The following LUM variants were observed in gnomAD, a reference collection of about 807,000 sequenced individuals.
LUM encodes lumican, also known as KSPG lumican.
A neutral mutation model predicts 20.5 loss-of-function variants in LUM; 13 were observed. That is an observed-to-expected ratio of 0.63 (90% confidence interval 0.41 to 1.01). The LOEUF is 1.01. Ranked by LOEUF, LUM falls within the 50% of genes least tolerant of loss-of-function variation. LUM has a pLI of 0.00. For synonymous variants in LUM, 173 were observed against 151.5 expected (o/e 1.14, Z -1.04); for missense variants, 321 against 391.1 (o/e 0.82, Z 1.51).
rs1565758279 is a variant in LUM at position 91,107,251 on chromosome 12, GAAAGAAA to G, written c.862+860_862+866del. On this transcript the variant is annotated intron_variant, in intron 2 of 2. Coordinates refer to ENST00000266718, the MANE Select transcript of LUM (RefSeq NM_002345.4). ...GAAAGAAAGAAAGGAAAGAAAGAAAGAAAGAAAGAAAGAAAGAAAGAAAGAAAGAAAG... is the reference window on the plus strand; with the variant it reads ...GAAAGAAAGAAAGGAAAGAAAGAAAGGAAAGAAAGAAAGAAAGAAAGAAAG... Among the ~76,000 whole-genome samples, 154 of 23,350 alleles carry G rather than the reference GAAAGAAA, an allele frequency of 6.6e-3. 2 individuals carry two copies. The highest frequency in any genetic ancestry group is 0.015 in the Middle Eastern group (1 of 68). 15.3% of individuals were successfully genotyped at this position (23,350 alleles called of 152,430 possible). A position where few individuals can be genotyped will look rare whatever the true frequency, so the allele number is the denominator to read the frequency against.
intron 1 of LUM, among the ~76,000 whole-genome samples, chr12:91,109,767 C>G (rs1310306506): frequency 6.6e-6 from 1 of 152,110 alleles, no homozygotes; most frequent in East Asian, 1.9e-4. Flanking sequence ...AGAGATTCAA[C>G]AGGTAGAGAA....
Position 91,107,137 on chromosome 12 carries a change from C to T in LUM, c.862+981G>A, listed in dbSNP as rs189271973. 2.4e-3 allele frequency among the ~76,000 whole-genome samples: 323 copies of T among 134,940 alleles called. 7 individuals carry two copies. The Admixed American group carries it at 0.024, about 10-fold the overall frequency. 88.5% of individuals were successfully genotyped at this position (134,940 alleles called of 152,430 possible). A position where few individuals can be genotyped will look rare whatever the true frequency, so the allele number is the denominator to read the frequency against. On this transcript the variant is annotated intron_variant, in intron 2 of 2. Transcript: ENST00000266718. Reference sequence around the variant, plus strand: ...CTCCAGTCTGGGCGACAGAGTGAGACCCTGTCAAAAAAAAAAAGAAAGAAA... The same window carrying T: ...CTCCAGTCTGGGCGACAGAGTGAGATCCTGTCAAAAAAAAAAAGAAAGAAA...
Position 91,106,443 on chromosome 12 carries a change from A to G in LUM, c.862+1675T>C, listed in dbSNP as rs1253391155. ...TCTCTTCTACCAAGCTCTGCCAAAG[A>G]TTAATGGCAGAGTTATCCTGGTAGG... is the stretch of plus-strand genomic sequence containing the variant. On this transcript the variant is annotated intron_variant, in intron 2 of 2. Transcript: ENST00000266718. 2.0e-5 allele frequency among the ~76,000 whole-genome samples: 3 copies of G among 152,098 alleles called. No homozygotes were observed. In the East Asian group the frequency reaches 5.8e-4, roughly 29 times the overall value.
At chr12:91,107,890 A>G (rs1328524299) in intron 2 of LUM, among the ~76,000 whole-genome samples, 1 of 151,766 alleles carries the variant, frequency 6.6e-6, no homozygotes, top group Non-Finnish European at 1.5e-5. Flanking sequence ...TAATTTTTGT[A>G]TTTTTAGTAG....
At chr12:91,107,987 A>G in intron 2 of LUM, 131 bp downstream of exon 2, 2 of 1,048,634 alleles carry the variant, frequency 1.9e-6, no homozygotes, top group East Asian at 2.4e-5. Flanking sequence ...TGCTGGATTT[A>G]CAGGAATGAG....
chr12:91,108,647 A>T lies in LUM; in HGVS notation c.333T>A (p.Val111=). ...TCTTCAGTTGTTTCAATTTAGAGAAAACTCTCCCTTTTATCTTGGAGTTTT... is the reference window on the plus strand; with the variant it reads ...TCTTCAGTTGTTTCAATTTAGAGAATACTCTCCCTTTTATCTTGGAGTTTT... ...LLENSKIKGR[V]FSKLKQLKKL... Residue 111 remains valine (V), a synonymous_variant, in exon 2 of 3, where the codon GTT becomes GTA. Coordinates refer to ENST00000266718, the MANE Select transcript of LUM (RefSeq NM_002345.4). The surrounding 1 kb of genome is among the most constrained non-coding windows in gnomAD (Gnocchi z 4.2). 6.2e-7 allele frequency: 1 copy of T among 1,613,902 alleles called. No homozygotes were observed. The highest frequency in any genetic ancestry group is 2.2e-5 in the East Asian group (1 of 44,870).
chr12:91,102,862 A>G lies in LUM; in HGVS notation c.*1303T>C, dbSNP rs577186669. On this transcript the variant is annotated 3_prime_UTR_variant, in exon 3 of 3. Coordinates refer to ENST00000266718, the MANE Select transcript of LUM (RefSeq NM_002345.4). ...TGTACCATAAGATAGAGTTCACTAAAAGTGGTGTGTTAAAACATTTTATGC... is the reference window on the plus strand; with the variant it reads ...TGTACCATAAGATAGAGTTCACTAAGAGTGGTGTGTTAAAACATTTTATGC... 1 of 152,192 alleles carries G rather than the reference A, an allele frequency of 6.6e-6. No homozygotes were observed. The highest frequency in any genetic ancestry group is 1.9e-4 in the East Asian group (1 of 5,174). The allele number at this position is 152,192 out of a possible 1,614,324, so 9.4% of individuals were successfully genotyped here. A position where few individuals can be genotyped will look rare whatever the true frequency, so the allele number is the denominator to read the frequency against.
chr12:91,107,546 G>C lies in LUM; in HGVS notation c.862+572C>G, dbSNP rs190193597. On this transcript the variant is annotated intron_variant, in intron 2 of 2. Transcript: ENST00000266718. ...AGAAAATAATAAGAGATATATATGA[G>C]GAGGTAACACAGCAGGATGAGTTGG... 6.6e-5 allele frequency among the ~76,000 whole-genome samples: 10 copies of C among 152,150 alleles called. No individual in the cohort carries two copies. In the East Asian group the frequency reaches 1.9e-3, roughly 29 times the overall value.
chr12:91,107,306 A>AG (rs1491278893), intron 2 of LUM, among the ~76,000 whole-genome samples: 8 of 138,806 alleles, frequency 5.8e-5, no homozygotes, highest in South Asian at 2.4e-4. Context: ...AGAAAGAAAG[A>AG]AAGAAAGAAA....
chr12:91,109,907 T>C (rs541155137), intron 1 of LUM, among the ~76,000 whole-genome samples: 1 of 152,152 alleles, frequency 6.6e-6, no homozygotes, highest in Non-Finnish European at 1.5e-5. Context: ...CCTCACAGAA[T>C]GGAGGTGGGA....
chr12:91,107,918 G>A (rs1209353999), intron 2 of LUM, among the ~76,000 whole-genome samples, 200 bp downstream of exon 2: 1 of 152,028 alleles, frequency 6.6e-6, no homozygotes, highest in African/African-American at 2.4e-5. Context: ...GTTTCATCAT[G>A]TTGGCCAGGC....
intron 1 of LUM, among the ~76,000 whole-genome samples, chr12:91,109,575 C>A (rs1400318952): frequency 2.0e-5 from 3 of 152,048 alleles, no homozygotes; most frequent in African/African-American, 7.2e-5. Flanking sequence ...TGCTGGTGTG[C>A]ATGCATACTA....
At chr12:91,107,296 A>G (rs1473513384) in intron 2 of LUM, among the ~76,000 whole-genome samples, 1 of 114,842 alleles carries the variant, frequency 8.7e-6, no homozygotes, top group African/African-American at 3.3e-5. Flanking sequence ...AGAGAAAGAA[A>G]GAAAGAAAGA....
At position 91,104,351 on chromosome 12, in the gene LUM, T is replaced by C. The variant is rs148089996; in HGVS notation, c.863-32A>G. On this transcript the variant is annotated intron_variant, in intron 2 of 2. Transcript: ENST00000266718. ...ATTAAAGAATAGAAAACATTAATCA[T>C]TTTTCAGTACACTGGCTCAAAACAA... The C allele has an allele frequency of 4.6e-6, 7 of 1,505,700 alleles. No homozygotes were observed. The East Asian group carries it at 1.4e-4, about 30-fold the overall frequency. The allele number at this position is 1,505,700 out of a possible 1,614,324, so 93.3% of individuals were successfully genotyped here. A position where few individuals can be genotyped will look rare whatever the true frequency, so the allele number is the denominator to read the frequency against.
intron 2 of LUM, among the ~76,000 whole-genome samples, chr12:91,107,811 G>T (rs920894914): frequency 2.0e-5 from 3 of 151,938 alleles, no homozygotes; most frequent in Non-Finnish European, 4.4e-5. Flanking sequence ...TATCTCCCAG[G>T]TTCAAGCAAT....
At chr12:91,106,950 T>C (rs1429965845) in intron 2 of LUM, among the ~76,000 whole-genome samples, 2 of 151,556 alleles carry the variant, frequency 1.3e-5, no homozygotes, top group Non-Finnish European at 2.9e-5. Context: ...GGCAGATGGA[T>C]CAGTTGAGGT....
Position 91,108,215 on chromosome 12 carries a change from G to A in LUM, c.765C>T (p.Ser255=). ...TATAGGACAGATCCAGCTCAACCAG[G>A]GATGACACATTGAAAGAATTTCCAG... ...GIPGNSFNVS[S]LVELDLSYNK... The change falls in exon 2 of 3, where the codon TCC becomes TCT. Residue 255 remains serine (S), a synonymous_variant. Transcript: ENST00000266718. The surrounding 1 kb of genome is among the most constrained non-coding windows in gnomAD (Gnocchi z 4.2). 1.2e-6 allele frequency: 2 copies of A among 1,614,044 alleles called. No homozygotes were observed. The highest frequency in any genetic ancestry group is 1.7e-6 in the Non-Finnish European group (2 of 1,179,980).
intron 2 of LUM, among the ~76,000 whole-genome samples, chr12:91,107,588 T>C (rs1212502344): frequency 6.6e-6 from 1 of 152,198 alleles, no homozygotes; most frequent in African/African-American, 2.4e-5. Context: ...ATTTTTAGTT[T>C]GAAGACTTAC....
At chr12:91,107,143 C>CAAAA (rs773547125) in intron 2 of LUM, among the ~76,000 whole-genome samples, 3 of 63,276 alleles carry the variant, frequency 4.7e-5, no homozygotes, top group South Asian at 5.3e-4. Flanking sequence ...GAGACCCTGT[C>CAAAA]AAAAAAAAAA....
Sources: gnomAD v4.1 joint callset for allele counts (sites outside exome capture counted in the v4.1 genomes callset) on GRCh38, gnomAD v4.1.1 for gene constraint, Gnocchi (gnomAD v3.1) non-coding constraint, MANE v1.5 for transcripts, NCBI Gene and HGNC (gene_info 2026-07-23, HGNC 2026-07-21) for gene names.